The following GLIS3 variants were observed in gnomAD, a reference collection of about 807,000 sequenced individuals.
GLIS3 encodes GLIS family zinc finger 3, also known as zinc finger protein GLIS3.
Under a neutral mutation model 78.6 loss-of-function variants are expected in GLIS3, and 53 were observed. The ratio of observed to expected loss-of-function variants is 0.67; its 90% confidence interval spans 0.54 to 0.85. GLIS3 has a LOEUF of 0.85. Ranked by LOEUF, GLIS3 falls within the 40% of genes least tolerant of loss-of-function variation. The probability of loss-of-function intolerance (pLI) is 0.00; values close to 1 mark genes in which losing one functional copy is unlikely to be tolerated. For synonymous variants in GLIS3, 684 were observed against 509.9 expected (o/e 1.34, Z -4.60); for missense variants, 1,703 against 1,231.1 (o/e 1.38, Z -5.74).
the GLIS3 span, among the ~76,000 whole-genome samples, chr9:4,468,728 A>G: frequency 2.0e-5 from 3 of 152,194 alleles, no homozygotes; most frequent in Non-Finnish European, 4.4e-5. Flanking sequence ...ACTGCATCAA[A>G]TAATGAGCAA....
intron 2 of GLIS3, among the ~76,000 whole-genome samples, chr9:4,157,302 T>C (rs758452289): frequency 2.0e-5 from 3 of 152,154 alleles, no homozygotes; most frequent in Non-Finnish European, 4.4e-5. Flanking sequence ...CCCAAATTGG[T>C]GTGACTTACA....
At chr9:3,945,423 C>T (rs932504012) in intron 4 of GLIS3, among the ~76,000 whole-genome samples, 7 of 152,142 alleles carry the variant, frequency 4.6e-5, no homozygotes, top group Non-Finnish European at 1.0e-4. Context: ...GGACCATGAA[C>T]ATATTGAGTT....
rs1343194619 is a variant in GLIS3, at chr9:4,126,961, C to G, written c.389-1020G>C. ...GAAGAAAAGTGTCACTGTCACTTTT[C>G]TTAGCTGTAGGGGTCATAATTTCCT... On this transcript the variant is annotated intron_variant, in intron 2 of 10. Coordinates refer to ENST00000381971, the MANE Select transcript of GLIS3 (RefSeq NM_001042413.2). Among the ~76,000 whole-genome samples, 5 of 152,126 alleles carry G rather than the reference C, an allele frequency of 3.3e-5. No homozygotes were observed. In the East Asian group the frequency reaches 9.6e-4, roughly 29 times the overall value.
At chr9:3,876,939 C>T (rs957937262) in intron 8 of GLIS3, among the ~76,000 whole-genome samples, 6 of 151,928 alleles carry the variant, frequency 3.9e-5, no homozygotes, top group African/African-American at 1.5e-4. Flanking sequence ...ATGCAAATTT[C>T]AGGCATTTGG....
chr9:4,326,130 T>G (rs550402646), intron 2 of GLIS3, among the ~76,000 whole-genome samples: 110 of 152,312 alleles, frequency 7.2e-4, no homozygotes, highest in Middle Eastern at 3.4e-3. Flanking sequence ...TGGGTTGATC[T>G]GTGCATCGAA....
intron 8 of GLIS3, among the ~76,000 whole-genome samples, chr9:3,859,348 GAAA>G: frequency 7.7e-6 from 1 of 129,174 alleles, no homozygotes; most frequent in African/African-American, 3.0e-5. Context: ...CTGTTTCTTC[GAAA>G]CACACACACA....
In GLIS3 at chr9:4,286,652, G is replaced by C. The variant is rs115103947; in HGVS notation, c.-98-129C>G. 1.3e-3 allele frequency: 766 copies of C among 591,280 alleles called. 8 individuals are homozygous for C. The highest frequency in any genetic ancestry group is 0.013 in the African/African-American group (676 of 54,006). The allele number at this position is 591,280 out of a possible 1,614,324, so 36.6% of individuals were successfully genotyped here. ...TCTTAGCAAGATGGCCTTTTATGTAGAAAAGGGTCCTCAAATACACGGCTC... is the reference window on the plus strand; with the variant it reads ...TCTTAGCAAGATGGCCTTTTATGTACAAAAGGGTCCTCAAATACACGGCTC... On this transcript the variant is annotated intron_variant, in intron 1 of 10. Coordinates refer to ENST00000381971, the MANE Select transcript of GLIS3 (RefSeq NM_001042413.2).
chr9:4,330,042 C>T (rs1817662538), intron 2 of GLIS3, among the ~76,000 whole-genome samples: 1 of 152,164 alleles, frequency 6.6e-6, no homozygotes, highest in Non-Finnish European at 1.5e-5. Flanking sequence ...TTCACATACC[C>T]TTAATGAAAA....
chr9:4,250,166 A>G (rs1362400188), intron 2 of GLIS3, among the ~76,000 whole-genome samples: 2 of 151,924 alleles, frequency 1.3e-5, no homozygotes, highest in Non-Finnish European at 2.9e-5. Flanking sequence ...CTCTTTTTCT[A>G]TTGTTTGGAA....
chr9:3,832,424 C>A (rs1160070119), intron 9 of GLIS3, among the ~76,000 whole-genome samples: 1 of 152,172 alleles, frequency 6.6e-6, no homozygotes, highest in Non-Finnish European at 1.5e-5. Context: ...GAATCTTCAA[C>A]AGTTTTGGCC....
chr9:3,981,026 C>A (rs543041688), intron 4 of GLIS3, among the ~76,000 whole-genome samples: 1 of 152,142 alleles, frequency 6.6e-6, no homozygotes, highest in African/African-American at 2.4e-5. Context: ...CAGGGCTGGA[C>A]GAACTGAAGA....
At position 4,118,179 on chromosome 9, in the gene GLIS3, C is replaced by T. The variant is rs1219439767; in HGVS notation, c.1299G>A (p.Leu433=). 1.3e-6 allele frequency: 2 copies of T among 1,572,846 alleles called. No individual in the cohort carries two copies. The highest frequency in any genetic ancestry group is 2.7e-5 in the African/African-American group (2 of 74,096). The part of the protein sequence containing the change: ...QSAGLFKTER[L]EEFPGSTVDL... The stretch of plus-strand genomic sequence containing the variant: ...CTACGGTGCTGCCCGGGAACTCCTC[C>T]AGGCGTTCGGTCTTGAACAGGCCGG... Residue 433 remains leucine, a synonymous_variant, in exon 4 of 11, where the codon CTG becomes CTA. Transcript: ENST00000381971. This position sits in a 1 kb window ranked among gnomAD's most constrained non-coding sequence, Gnocchi z 4.7.
At chr9:4,269,979 T>TAAAA (rs1196622715) in intron 2 of GLIS3, among the ~76,000 whole-genome samples, 1 of 152,102 alleles carries the variant, frequency 6.6e-6, no homozygotes, top group Non-Finnish European at 1.5e-5. Context: ...GCCCCACAGG[T>TAAAA]GTTTGTAATG....
intron 4 of GLIS3, among the ~76,000 whole-genome samples, chr9:4,084,635 G>T (rs1320394536): frequency 6.6e-6 from 1 of 152,158 alleles, no homozygotes; most frequent in Non-Finnish European, 1.5e-5. Context: ...CGTGGTAACA[G>T]AGTGTTCTTT....
At chr9:3,925,325 G>A (rs1825145216) in intron 6 of GLIS3, among the ~76,000 whole-genome samples, 1 of 152,118 alleles carries the variant, frequency 6.6e-6, no homozygotes, top group African/African-American at 2.4e-5. Context: ...TTGTTAGAAT[G>A]TAATCTTCAG....
At chr9:4,120,485 C>T (rs893007142) in intron 3 of GLIS3, among the ~76,000 whole-genome samples, 13 of 152,198 alleles carry the variant, frequency 8.5e-5, no homozygotes, top group South Asian at 2.1e-4. Context: ...TAATTCCCCA[C>T]GGACACTTTT....
chr9:3,853,405 T>C (rs989677459), intron 9 of GLIS3, among the ~76,000 whole-genome samples: 5 of 152,134 alleles, frequency 3.3e-5, no homozygotes, highest in Non-Finnish European at 7.3e-5. Flanking sequence ...TGTCAATCAC[T>C]TAGTCAGTAA....
chr9:4,283,192 G>A (rs1199684691), intron 2 of GLIS3, among the ~76,000 whole-genome samples: 1 of 151,956 alleles, frequency 6.6e-6, no homozygotes, highest in African/African-American at 2.4e-5. Context: ...GCACAGGCCA[G>A]GAACCCTTCT....
At chr9:3,831,660 C>G (rs956125897) in intron 9 of GLIS3, among the ~76,000 whole-genome samples, 8 of 152,174 alleles carry the variant, frequency 5.3e-5, no homozygotes, top group Admixed American at 6.5e-5. Flanking sequence ...TTAAGAAATT[C>G]TGCACAGGGA....
Sources: allele counts gnomAD v4.1 joint callset (sites outside exome capture counted in the v4.1 genomes callset), GRCh38; gene constraint gnomAD v4.1.1; non-coding constraint Gnocchi (gnomAD v3.1); transcripts MANE v1.5; gene names NCBI Gene and HGNC (gene_info 2026-07-23, HGNC 2026-07-21).